Variants in CCDC50 observed in about 807,000 individuals in gnomAD.
The protein encoded by CCDC50 is coiled-coil domain containing 50, also known as coiled-coil domain-containing protein 50.
Under a neutral mutation model 70.2 loss-of-function variants are expected in CCDC50, and 54 were observed. That is an observed-to-expected ratio of 0.77 (90% CI 0.62 to 0.96). The LOEUF is 0.96. Ranked by LOEUF, CCDC50 falls within the 50% of genes least tolerant of loss-of-function variation. The probability of loss-of-function intolerance (pLI) is 0.00; values close to 1 mark genes in which losing one functional copy is unlikely to be tolerated. For missense variants in CCDC50, 558 were observed against 578.7 expected (o/e 0.96, Z 0.37); for synonymous variants, 216 against 198.8 (o/e 1.09, Z -0.73).
In CCDC50 at chr3:191,329,614, C is replaced by A; in HGVS notation, c.-61C>A. ...CGCTGCTGCTGCGCTCGGGGCCCCG[C>A]TCGGCGCCGGCGGTGACCGGGAAGC... is the stretch of plus-strand genomic sequence containing the variant. On this transcript the variant is annotated 5_prime_UTR_variant, in exon 1 of 12. Coordinates refer to ENST00000392455, the MANE Select transcript of CCDC50 (RefSeq NM_178335.3). The A allele has an allele frequency of 1.3e-6, 2 of 1,558,814 alleles. No homozygotes were observed. The highest frequency in any genetic ancestry group is 2.3e-5 in the South Asian group (2 of 85,238).
At chr3:191,366,232 T>C (rs970884946) in intron 4 of CCDC50, among the ~76,000 whole-genome samples, 1 of 152,184 alleles carries the variant, frequency 6.6e-6, no homozygotes, top group Non-Finnish European at 1.5e-5. Context: ...CACTATTCTT[T>C]AAAGCTAAAG....
At chr3:191,336,158 G>A (rs1250638621) in intron 1 of CCDC50, among the ~76,000 whole-genome samples, 1 of 150,258 alleles carries the variant, frequency 6.7e-6, no homozygotes, top group South Asian at 2.1e-4. Flanking sequence ...ATGTATGTGT[G>A]TGTATTTGAA....
At chr3:191,380,634 G>A (rs1713283283) in intron 7 of CCDC50, 53 bp from the exon 8 acceptor site, 4 of 1,524,548 alleles carry the variant, frequency 2.6e-6, no homozygotes, top group Non-Finnish European at 3.6e-6. Flanking sequence ...TACTGAAAAT[G>A]CACAACATAG....
In CCDC50 at chr3:191,395,483, G is replaced by T. The variant is rs1034669289; in HGVS notation, c.*3723G>T. ...GCCTTTGTATAAGCATCGCTTTGGG[G>T]AATACCAAGATGATTCATTATTCAG... On this transcript the variant is annotated 3_prime_UTR_variant, in exon 12 of 12. Coordinates refer to ENST00000392455, the MANE Select transcript of CCDC50 (RefSeq NM_178335.3). The T allele has an allele frequency of 2.0e-5, 3 of 152,116 alleles. No individual in the cohort carries two copies. The highest frequency in any genetic ancestry group is 4.8e-5 in the African/African-American group (2 of 41,426). The allele number at this position is 152,116 out of a possible 1,614,324, so 9.4% of individuals were successfully genotyped here. A position where few individuals can be genotyped will look rare whatever the true frequency, so the allele number is the denominator to read the frequency against.
intron 6 of CCDC50, among the ~76,000 whole-genome samples, chr3:191,376,372 T>C (rs1713113747): frequency 6.6e-6 from 1 of 152,186 alleles, no homozygotes; most frequent in African/African-American, 2.4e-5. Context: ...GTAAATATTA[T>C]AGATAAACCT....
intron 1 of CCDC50, among the ~76,000 whole-genome samples, chr3:191,348,695 T>C (rs1170450678): frequency 7.0e-6 from 1 of 142,204 alleles, no homozygotes; most frequent in Non-Finnish European, 1.6e-5. Flanking sequence ...TTGCTTTGAC[T>C]AGTAACAAAA....
At chr3:191,370,321 G>C (rs748014601) in intron 5 of CCDC50, 1 of 353,732 alleles carries the variant, frequency 2.8e-6, no homozygotes, top group Non-Finnish European at 5.5e-6. Context: ...CCATTAACTC[G>C]TCATTTAACA....
In CCDC50 at chr3:191,358,079, A is replaced by G. The variant is rs1576958624; in HGVS notation, c.194A>G (p.Glu65Gly). 1.9e-6 allele frequency: 3 copies of G among 1,613,994 alleles called. No individual in the cohort carries two copies. Among genetic ancestry groups the G allele is most frequent in the African/African-American group, 2.7e-5 (2 of 75,032 alleles). The change falls in exon 3 of 12, where the codon GAA becomes GGA. Residue 65 changes from glutamate to glycine, a missense_variant. Glu to Gly is a moderately conservative substitution (Grantham distance 98). Transcript: ENST00000392455. ...CAGGTGGCTAAGCAGCTCCAAGAGG[A>G]AGATCTGAAAGCGCAGGCCCAGCTC... ...DLQVAKQLQE[E>G]DLKAQAQLQK...
chr3:191,364,553 A>T (rs974586664), intron 4 of CCDC50, among the ~76,000 whole-genome samples: 4 of 151,774 alleles, frequency 2.6e-5, no homozygotes, highest in African/African-American at 9.7e-5. Context: ...AATACCAGAT[A>T]TAGAGACTGA....
Position 191,366,035 on chromosome 3 carries a change from C to G in CCDC50, c.331-3884C>G, listed in dbSNP as rs141723468. On this transcript the variant is annotated intron_variant, in intron 4 of 11. Coordinates refer to ENST00000392455, the MANE Select transcript of CCDC50 (RefSeq NM_178335.3). ...GACAGAAATACCCTAAGGAAGCCAA[C>G]ACCATGTTTCAGTTACTTGTCATCT... 6.6e-5 allele frequency among the ~76,000 whole-genome samples: 10 copies of G among 152,228 alleles called. No individual in the cohort carries two copies. The East Asian group carries it at 1.9e-3, about 29-fold the overall frequency.
chr3:191,369,940 G>C lies in CCDC50; in HGVS notation c.352G>C (p.Glu118Gln). 1 of 1,612,782 alleles carries C rather than the reference G, an allele frequency of 6.2e-7. No individual in the cohort carries two copies. The highest frequency in any genetic ancestry group is 2.2e-5 in the East Asian group (1 of 44,850). ...GCAGGACATAGCTCGCCTTTTGCAA[G>C]AAAAGGAGTTACAGGAAGAGAAAAA... The part of the protein sequence containing the change: ...KDEDIARLLQ[E>Q]KELQEEKKRK... Residue 118 changes from glutamate (E) to glutamine (Q), a missense_variant, in exon 5 of 12, where the codon GAA becomes CAA. By Grantham distance (29) the Glu-to-Gln change is conservative (BLOSUM62 2). Coordinates refer to ENST00000392455, the MANE Select transcript of CCDC50 (RefSeq NM_178335.3).
intron 1 of CCDC50, among the ~76,000 whole-genome samples, chr3:191,338,053 C>T (rs1440282219): frequency 2.6e-5 from 4 of 152,124 alleles, no homozygotes; most frequent in East Asian, 3.9e-4. Flanking sequence ...TTTTGTTTTT[C>T]CAATGAGTCA....
chr3:191,386,164 G>A (rs992284995), intron 10 of CCDC50, among the ~76,000 whole-genome samples: 9 of 150,822 alleles, frequency 6.0e-5, no homozygotes, highest in Admixed American at 5.3e-4. Context: ...AGTGACGTTG[G>A]TAATTTGATA....
At chr3:191,368,015 G>A (rs1456016442) in intron 4 of CCDC50, among the ~76,000 whole-genome samples, 1 of 151,848 alleles carries the variant, frequency 6.6e-6, no homozygotes, top group Non-Finnish European at 1.5e-5. Context: ...AGACACATTT[G>A]TTGAAATGAT....
At chr3:191,361,402 C>T (rs747258786) in intron 4 of CCDC50, among the ~76,000 whole-genome samples, 1 of 152,140 alleles carries the variant, frequency 6.6e-6, no homozygotes, top group African/African-American at 2.4e-5. Flanking sequence ...CTATGACTGC[C>T]GTTACAAATT....
intron 10 of CCDC50, among the ~76,000 whole-genome samples, chr3:191,387,805 T>C (rs485788): frequency 0.94 from 142,604 of 152,196 alleles, 66,918 homozygotes; most frequent in African/African-American, 0.99. Context: ...TTTTGTGAGT[T>C]CCACTCAACG....
At chr3:191,365,660 A>C (rs1276851854) in intron 4 of CCDC50, among the ~76,000 whole-genome samples, 1 of 152,184 alleles carries the variant, frequency 6.6e-6, no homozygotes, top group Non-Finnish European at 1.5e-5. Flanking sequence ...TAGCAGTTAA[A>C]TGGAACGATT....
chr3:191,381,455 G>A (rs751308063), intron 9 of CCDC50, among the ~76,000 whole-genome samples: 2 of 152,090 alleles, frequency 1.3e-5, no homozygotes, highest in Admixed American at 1.3e-4. Context: ...AGTTTGGACG[G>A]TTATCTTTCC....
In CCDC50 at chr3:191,375,602, A is replaced by C. The variant is rs758825163; in HGVS notation, c.976+13A>C. 1.2e-6 allele frequency: 2 copies of C among 1,611,082 alleles called. No homozygotes were observed. Among genetic ancestry groups the C allele is most frequent in the South Asian group, 2.2e-5 (2 of 90,700 alleles). On this transcript the variant is annotated intron_variant, in intron 6 of 11. Transcript: ENST00000392455. ...CTCCATGACGCAGGTAATAGAGGAC[A>C]GTCTCGATGGAAGTCCTGGTATCAT...
Sources: gnomAD v4.1 joint callset for allele counts (sites outside exome capture counted in the v4.1 genomes callset) on GRCh38, gnomAD v4.1.1 for gene constraint, MANE v1.5 for transcripts, NCBI Gene and HGNC (gene_info 2026-07-23, HGNC 2026-07-21) for gene names.